ZP4: variants seen among roughly 807,000 people sequenced by gnomAD.
The protein encoded by ZP4 is zona pellucida sperm-binding protein 4.
Under a neutral mutation model 62.3 loss-of-function variants are expected in ZP4, and 62 were observed. The ratio of observed to expected loss-of-function variants is 0.99; its 90% CI spans 0.81 to 1.23. ZP4 has a LOEUF of 1.23. Among genes scored for constraint, ZP4 ranks in the 50% most tolerant of loss-of-function variants. The pLI, the probability that ZP4 is intolerant of heterozygous loss-of-function variation, is 0.00. For synonymous variants in ZP4, 289 were observed against 247.3 expected, an observed-to-expected ratio of 1.17 and a Z score of -1.58; for missense variants, 774 against 656.0, an observed-to-expected ratio of 1.18 and a Z score of -1.97.
intron 2 of ZP4, 39 bp downstream of exon 2, chr1:237,890,016 C>T (rs538353): frequency 9.3e-5 from 150 of 1,613,866 alleles, no homozygotes; most frequent in Non-Finnish European, 1.1e-4. Flanking sequence ...TAGCATGAGG[C>T]GCTTCACACA....
intron 6 of ZP4, 83 bp downstream of exon 6, chr1:237,886,688 G>A (rs1665109383): frequency 2.6e-6 from 3 of 1,152,774 alleles, no homozygotes; most frequent in Admixed American, 1.9e-5. Context: ...CTATTGCTGA[G>A]GAATGCTCAT....
intron 10 of ZP4, among the ~76,000 whole-genome samples, chr1:237,883,670 AGGGCGGGG>A (rs1558529988): frequency 0.013 from 48 of 3,698 alleles, 1 homozygote; most frequent in African/African-American, 0.032. Context: ...GGGCCGGGGG[AGGGCGGGG>A]GAGGGCGGGG....
Position 237,887,473 on chromosome 1 carries a change from G to A in ZP4, c.642C>T (p.Arg214=). 1.2e-6 allele frequency: 2 copies of A among 1,614,224 alleles called. No individual in the cohort carries two copies. The highest frequency in any genetic ancestry group is 1.1e-5 in the South Asian group (1 of 91,082). The change falls in exon 5 of 12, where the codon CGC becomes CGT. Residue 214 remains arginine (R), a synonymous_variant. Transcript: ENST00000366570. ...ACGCACTGTCATTCCTAAGGGCCAA[G>A]CGCACAGAATCCAAGAGCAGTGGTG... The part of the protein sequence containing the change: ...TSPPLLLDSV[R]LALRNDSACN...
intron 1 of ZP4, 116 bp downstream of exon 1, chr1:237,890,345 A>G: frequency 3.2e-5 from 47 of 1,489,520 alleles, no homozygotes; most frequent in Non-Finnish European, 4.2e-5. Context: ...CTTTTGCAGA[A>G]AGATGCAACA....
In ZP4 at chr1:237,882,528, A is replaced by G. The variant is rs758015263; in HGVS notation, c.1517T>C (p.Val506Ala). Residue 506 changes from valine (V) to alanine (A), a missense_variant, in exon 12 of 12, where the codon GTT becomes GCT. Val to Ala is a moderately conservative substitution (Grantham distance 64, BLOSUM62 0). Coordinates refer to ENST00000366570, the MANE Select transcript of ZP4 (RefSeq NM_021186.5). ...EKLRVPVDSK[V>A]LWVAGLSGTL... The stretch of plus-strand genomic sequence containing the variant: ...CCCAGAAAGGCCTGCCACCCACAGA[A>G]CTTTCGAGTCTACAGGAACACCTGG... The G allele has an allele frequency of 9.3e-5, 149 of 1,604,958 alleles. 3 individuals are homozygous for G. The South Asian group carries it at 1.5e-3, about 16-fold the overall frequency.
At chr1:237,886,435 G>A (rs1036718252) in intron 6 of ZP4, among the ~76,000 whole-genome samples, 4 of 151,886 alleles carry the variant, frequency 2.6e-5, no homozygotes, top group African/African-American at 9.7e-5. Flanking sequence ...ACTGACTTAA[G>A]GTTTTAAAGG....
At position 237,885,244 on chromosome 1, in the gene ZP4, G is replaced by A. The variant is rs747792401; in HGVS notation, c.1232C>T (p.Pro411Leu). The change falls in exon 9 of 12, where the codon CCC becomes CTC. Residue 411 changes from proline (P) to leucine (L), a missense_variant. Pro to Leu is a moderately conservative substitution (Grantham distance 98). Transcript: ENST00000366570. ...PVQKALDLPF[P>L]SHHQRFSIFT... ...GATGCTGAAGCGCTGGTGGTGAGAG[G>A]GAAATGGAAGATCCAAGGCTTTCTG... The A allele has an allele frequency of 1.1e-5, 17 of 1,614,024 alleles. No individual in the cohort carries two copies. The highest frequency in any genetic ancestry group is 1.6e-4 in the Middle Eastern group (1 of 6,084).
In ZP4 at chr1:237,883,997, C is replaced by CAA. The variant is rs1464043254; in HGVS notation, c.1390+771_1390+772insTT. Among the ~76,000 whole-genome samples, 296 of 98,870 alleles carry CAA rather than the reference C, an allele frequency of 3.0e-3. 7 individuals are homozygous for CAA. Among genetic ancestry groups the CAA allele is most frequent in the African/African-American group, 0.012 (248 of 20,586 alleles). The allele number at this position is 98,870 out of a possible 152,430, so 64.9% of individuals were successfully genotyped here. On this transcript the variant is annotated intron_variant, in intron 10 of 11. Transcript: ENST00000366570. ...ACACACACACAAACACACACACACA[C>CAA]ACACACACACACACACACAAACACA... is the stretch of plus-strand genomic sequence containing the variant.
intron 6 of ZP4, among the ~76,000 whole-genome samples, 195 bp from the exon 7 acceptor site, chr1:237,886,081 G>C (rs544769672): frequency 6.6e-6 from 1 of 152,316 alleles, no homozygotes; most frequent in South Asian, 2.1e-4. Flanking sequence ...TTGAGTTGGA[G>C]ATAAGCACAC....
At chr1:237,882,670 A>T (rs764793106) in intron 11 of ZP4, 72 bp downstream of exon 11, 128 of 1,591,406 alleles carry the variant, frequency 8.0e-5, no homozygotes, top group Non-Finnish European at 1.1e-4. Flanking sequence ...AACAAGAGGG[A>T]TAGAAAGGAG....
chr1:237,882,840 C>T lies in ZP4; in HGVS notation c.1397G>A (p.Arg466Lys), dbSNP rs1335850145. Residue 466 changes from arginine (R) to lysine (K), a missense_variant, in exon 11 of 12, where the codon AGA becomes AAA. Coordinates refer to ENST00000366570, the MANE Select transcript of ZP4 (RefSeq NM_021186.5). ...GTTCTGAGAACTGTTGTCAAAATTT[C>T]TTCTTCCTGTTAGAGAAATGAGACC... is the stretch of plus-strand genomic sequence containing the variant. ...VVTCPDLSRR[R>K]NFDNSSQNTT... The T allele has an allele frequency of 6.8e-6, 11 of 1,613,158 alleles. No individual in the cohort carries two copies. The highest frequency in any genetic ancestry group is 9.3e-6 in the Non-Finnish European group (11 of 1,179,724).
Position 237,882,800 on chromosome 1 carries a change from AAC to A in ZP4, c.1435_1436del (p.Val479PhefsTer2). ...DNSSQNTTAS[V>X]SSKGPMILLQ... is the part of the protein sequence containing the mutation. ...GTAGAATCATGGGGCCTTTGCTAGA[AAC>A]ACTAGCAGTAGTGTTCTGAGAACTG... is the stretch of plus-strand genomic sequence containing the variant. On this transcript the variant is annotated frameshift_variant, in exon 11 of 12. Transcript: ENST00000366570. LOFTEE classifies it high-confidence loss of function. 1 of 1,614,118 alleles carries A rather than the reference AAC, an allele frequency of 6.2e-7. No homozygotes were observed. Among genetic ancestry groups the A allele is most frequent in the South Asian group, 1.1e-5 (1 of 91,074 alleles).
chr1:237,884,746 C>G, intron 10 of ZP4, 23 bp downstream of exon 10: 1 of 1,608,274 alleles, frequency 6.2e-7, no homozygotes, highest in Non-Finnish European at 8.5e-7. Context: ...TCAAATCTGT[C>G]CTCTAACAGC....
Position 237,885,843 on chromosome 1 carries a change from GGA to G in ZP4, c.881_882del (p.Leu294ProfsTer15), listed in dbSNP as rs773730351. 477 of 1,614,004 alleles carry G rather than the reference GGA, an allele frequency of 3.0e-4. No homozygotes were observed. Among genetic ancestry groups the G allele is most frequent in the Non-Finnish European group, 3.8e-4 (453 of 1,180,042 alleles). On this transcript the variant is annotated frameshift_variant, in exon 7 of 12. Coordinates refer to ENST00000366570, the MANE Select transcript of ZP4 (RefSeq NM_021186.5). LOFTEE classifies it high-confidence loss of function. ...SCSYSVSSNS[L>X]PINVQVFTLP... is the part of the protein sequence containing the mutation. The stretch of plus-strand genomic sequence containing the variant: ...AGAGTGAAAACCTGGACATTGATTG[GGA>G]GAGAGTTGCTACTTACTGAGTAGCT...
intron 3 of ZP4, among the ~76,000 whole-genome samples, chr1:237,889,420 G>A (rs891751813): frequency 1.3e-5 from 2 of 151,254 alleles, no homozygotes; most frequent in Non-Finnish European, 2.9e-5. Context: ...CCAGGTTCAA[G>A]CGATTCTCCT....
intron 1 of ZP4, 27 bp downstream of exon 1, chr1:237,890,434 C>A (rs763365042): frequency 4.4e-6 from 7 of 1,591,842 alleles, no homozygotes; most frequent in Non-Finnish European, 5.1e-6. Context: ...CATTGCTTGG[C>A]TAAGCAAGGC....
intron 10 of ZP4, among the ~76,000 whole-genome samples, chr1:237,884,033 A>AACACACACAC (rs1300435485): frequency 9.9e-5 from 8 of 80,530 alleles, no homozygotes; most frequent in African/African-American, 2.6e-4. Context: ...CACACACACA[A>AACACACACAC]ACACACACAA....
chr1:237,889,334 T>G (rs1665182612), intron 3 of ZP4, among the ~76,000 whole-genome samples: 1 of 144,130 alleles, frequency 6.9e-6, no homozygotes, highest in Admixed American at 6.7e-5. Flanking sequence ...TTTTTTTTTT[T>G]TGAGACAGGG....
At chr1:237,883,541 C>T (rs547661666) in intron 10 of ZP4, among the ~76,000 whole-genome samples, 1 of 149,716 alleles carries the variant, frequency 6.7e-6, no homozygotes, top group East Asian at 2.0e-4. Flanking sequence ...GTGGTGAATC[C>T]CTGTCTCTAC....
Sources: gnomAD v4.1 joint callset for allele counts (sites outside exome capture counted in the v4.1 genomes callset) on GRCh38, gnomAD v4.1.1 for gene constraint, MANE v1.5 for transcripts, NCBI Gene and HGNC (gene_info 2026-07-23, HGNC 2026-07-21) for gene names.